Variants in PCNT observed in about 807,000 individuals in gnomAD.
PCNT encodes pericentrin.
In PCNT, 319 loss-of-function variants were observed where a neutral mutation model predicts 380.4. The observed-to-expected ratio is 0.84, with a 90% confidence interval of 0.77 to 0.92. PCNT has a LOEUF of 0.92. Ranked by LOEUF, PCNT falls within the 40% of genes least tolerant of loss-of-function variation. PCNT has a pLI of 0.00. For synonymous variants in PCNT, 1,845 were observed against 1,735.2 expected, an observed-to-expected ratio of 1.06 and a Z score of -1.57; for missense variants, 4,400 against 4,255.3, an observed-to-expected ratio of 1.03 and a Z score of -0.95.
intron 16 of PCNT, among the ~76,000 whole-genome samples, chr21:46,384,879 A>C (rs765795803): frequency 4.6e-5 from 7 of 151,944 alleles, no homozygotes; most frequent in Non-Finnish European, 8.8e-5. Context: ...AGTGTTGTGC[A>C]TAGTTCAGTG....
intron 16 of PCNT, among the ~76,000 whole-genome samples, chr21:46,384,817 C>T (rs997316918): frequency 4.5e-5 from 6 of 134,644 alleles, no homozygotes; most frequent in East Asian, 2.3e-4. Context: ...GTGCGTTGAG[C>T]GGCGGAAGCG....
intron 9 of PCNT, 97 bp from the exon 10 acceptor site, chr21:46,353,007 T>A: frequency 1.0e-6 from 1 of 986,810 alleles, no homozygotes; most frequent in Non-Finnish European, 1.6e-6. Context: ...CTTTTCCGAG[T>A]TCTGCCCCCA....
intron 15 of PCNT, among the ~76,000 whole-genome samples, chr21:46,368,394 T>C (rs938523417): frequency 1.3e-5 from 2 of 150,044 alleles, no homozygotes; most frequent in African/African-American, 4.9e-5. Context: ...CTTGCAGTGA[T>C]CCGAGATCGC....
At chr21:46,351,006 A>G in intron 8 of PCNT, among the ~76,000 whole-genome samples, 1 of 152,198 alleles carries the variant, frequency 6.6e-6, no homozygotes, top group Non-Finnish European at 1.5e-5. Flanking sequence ...ATGTAGAAGT[A>G]TTGAAACTGA....
At chr21:46,390,612 A>C in intron 19 of PCNT, 58 bp from the exon 20 acceptor site, 1 of 1,579,544 alleles carries the variant, frequency 6.3e-7, no homozygotes, top group Non-Finnish European at 8.7e-7. Flanking sequence ...TCTTGGTCTT[A>C]ATGTAGGCTT....
chr21:46,423,924 AAGG>A (rs1461665067), intron 32 of PCNT, among the ~76,000 whole-genome samples: 1 of 152,038 alleles, frequency 6.6e-6, no homozygotes, highest in Non-Finnish European at 1.5e-5. Context: ...TGAAAATCAC[AAGG>A]AGTTTTTTTC....
chr21:46,433,041 A>G (rs1034048077), intron 38 of PCNT, among the ~76,000 whole-genome samples: 1 of 152,202 alleles, frequency 6.6e-6, no homozygotes, highest in African/African-American at 2.4e-5. Context: ...TCATTCCGTC[A>G]CTCAGGCTGG....
chr21:46,334,250 G>A (rs1365059504), intron 2 of PCNT, 147 bp from the exon 3 acceptor site: 5 of 1,035,110 alleles, frequency 4.8e-6, no homozygotes, highest in African/African-American at 4.8e-5. Flanking sequence ...TGTTAATGCG[G>A]AAGGTGCACG....
intron 1 of PCNT, 36 bp from the exon 2 acceptor site, chr21:46,326,341 C>A (rs778650876): frequency 6.2e-7 from 1 of 1,600,890 alleles, no homozygotes; most frequent in Non-Finnish European, 8.6e-7. Context: ...TTCTCACTTA[C>A]CTTTGCCTTT....
intron 1 of PCNT, among the ~76,000 whole-genome samples, chr21:46,325,495 A>G (rs994534179): frequency 3.3e-5 from 5 of 152,256 alleles, no homozygotes; most frequent in African/African-American, 1.2e-4. Flanking sequence ...AGGACATGAA[A>G]ATAAACGACA....
chr21:46,354,961 G>A (rs767058911), intron 11 of PCNT, among the ~76,000 whole-genome samples: 1 of 152,200 alleles, frequency 6.6e-6, no homozygotes, highest in Admixed American at 6.5e-5. Flanking sequence ...GGAAGGGCTG[G>A]GGTGGGTAGC....
At chr21:46,332,096 G>T (rs1353662763) in intron 2 of PCNT, among the ~76,000 whole-genome samples, 1 of 152,170 alleles carries the variant, frequency 6.6e-6, no homozygotes. Context: ...GGAGGCAGAG[G>T]TTGCACTGAG....
Position 46,440,892 on chromosome 21 carries a change from G to A in PCNT, c.9431G>A (p.Ser3144Asn). 1 of 1,613,122 alleles carries A rather than the reference G, an allele frequency of 6.2e-7. No homozygotes were observed. Among genetic ancestry groups the A allele is most frequent in the Non-Finnish European group, 8.5e-7 (1 of 1,179,064 alleles). The part of the protein sequence containing the change: ...KLYLHYLRAE[S>N]FRKALIYQKK... ...TACCTGCATTACTTGAGAGCAGAGAGCTTTAGAAAAGCTCTGATTTATCAA... is the reference window on the plus strand; with the variant it reads ...TACCTGCATTACTTGAGAGCAGAGAACTTTAGAAAAGCTCTGATTTATCAA... Residue 3144 changes from serine (S) to asparagine (N), a missense_variant, in exon 43 of 47, where the codon AGC (serine) becomes AAC (asparagine). Coordinates refer to ENST00000359568, the MANE Select transcript of PCNT (RefSeq NM_006031.6).
At chr21:46,345,727 G>A (rs540555918) in intron 3 of PCNT, among the ~76,000 whole-genome samples, 41 of 152,264 alleles carry the variant, frequency 2.7e-4, no homozygotes, top group East Asian at 3.9e-4. Context: ...CGGTGCTCGC[G>A]GCAGCCACCC....
chr21:46,431,058 CTG>C, intron 37 of PCNT: 14 of 985,468 alleles, frequency 1.4e-5, no homozygotes, highest in Non-Finnish European at 1.7e-5. Flanking sequence ...CTGAGCAAGT[CTG>C]TGCCAGTTCC....
At position 46,347,453 on chromosome 21, in the gene PCNT, G is replaced by T. The variant is rs2146561875; in HGVS notation, c.977-4G>T. ...GCCTGAGCTGCTTTTTGTTTTTCTTGCAGCTGAGCTGAAGGAGAAGTTACA... is the reference window on the plus strand; with the variant it reads ...GCCTGAGCTGCTTTTTGTTTTTCTTTCAGCTGAGCTGAAGGAGAAGTTACA... On this transcript the variant is annotated splice_polypyrimidine_tract_variant and splice_region_variant and intron_variant, in intron 5 of 46. Transcript: ENST00000359568. 2 of 1,613,744 alleles carry T rather than the reference G, an allele frequency of 1.2e-6. No homozygotes were observed. The highest frequency in any genetic ancestry group is 3.3e-4 in the Middle Eastern group (2 of 6,056).
At chr21:46,340,214 C>G (rs1023145895) in intron 3 of PCNT, among the ~76,000 whole-genome samples, 11 of 152,252 alleles carry the variant, frequency 7.2e-5, no homozygotes, top group African/African-American at 2.4e-4. Flanking sequence ...GAGACTTATT[C>G]ACTCTCAGGA....
chr21:46,365,786 A>G (rs2084902515), intron 14 of PCNT, among the ~76,000 whole-genome samples: 1 of 122,628 alleles, frequency 8.2e-6, no homozygotes, highest in Admixed American at 8.6e-5. Flanking sequence ...GTTCACTCCC[A>G]TAGGGTTCTA....
In PCNT at chr21:46,431,020, C is replaced by T. The variant is rs966251622; in HGVS notation, c.8064+363C>T. On this transcript the variant is annotated intron_variant, in intron 37 of 46. Transcript: ENST00000359568. Reference sequence around the variant, plus strand: ...GTGGTGGGGCCTCTGCTTTGCATGGCGGAGGCCCAGCAGGCCTGCTGTGGC... The same window carrying T: ...GTGGTGGGGCCTCTGCTTTGCATGGTGGAGGCCCAGCAGGCCTGCTGTGGC... 6 of 985,292 alleles carry T rather than the reference C, an allele frequency of 6.1e-6. No homozygotes were observed. The Admixed American group carries it at 3.1e-4, about 50-fold the overall frequency. The allele number at this position is 985,292 out of a possible 1,614,324, so 61.0% of individuals were successfully genotyped here. A position where few individuals can be genotyped will look rare whatever the true frequency, so the allele number is the denominator to read the frequency against.
Sources: gnomAD v4.1 joint callset for allele counts (sites outside exome capture counted in the v4.1 genomes callset) on GRCh38, gnomAD v4.1.1 for gene constraint, MANE v1.5 for transcripts, NCBI Gene and HGNC (gene_info 2026-07-23, HGNC 2026-07-21) for gene names.